PATJ: variants seen among roughly 807,000 people sequenced by gnomAD.
PATJ encodes the protein PATJ crumbs cell polarity complex component, also known as inaD-like protein.
In PATJ, 190 loss-of-function variants were observed where a neutral mutation model predicts 224.9. The observed-to-expected ratio is 0.84, with a 90% CI of 0.75 to 0.95. The LOEUF is 0.95. Ranked by LOEUF, PATJ falls within the 40% of genes least tolerant of loss-of-function variation. PATJ has a pLI of 0.00. For missense variants in PATJ, 2,121 were observed against 2,270.3 expected (o/e 0.93, Z 1.34); for synonymous variants, 769 against 820.3 (o/e 0.94, Z 1.07).
intron 20 of PATJ, among the ~76,000 whole-genome samples, chr1:61,871,557 AT>A (rs71582650): frequency 0.024 from 1,322 of 54,694 alleles, 9 homozygotes; most frequent in South Asian, 0.038. Flanking sequence ...ATATATATAT[AT>A]TTTTTTTTTT....
intron 9 of PATJ, among the ~76,000 whole-genome samples, chr1:61,792,818 C>T (rs926861993): frequency 6.6e-6 from 1 of 152,190 alleles, no homozygotes; most frequent in African/African-American, 2.4e-5. Context: ...GCATGAGCCA[C>T]CGTGCCTGAC....
At position 61,976,131 on chromosome 1, in the gene PATJ, G is replaced by A. The variant is rs116525773; in HGVS notation, c.3671-14037G>A. 1.8e-4 allele frequency among the ~76,000 whole-genome samples: 28 copies of A among 151,966 alleles called. 1 individual carries two copies. Among genetic ancestry groups the A allele is most frequent in the African/African-American group, 5.1e-4 (21 of 41,318 alleles). On this transcript the variant is annotated intron_variant, in intron 27 of 43. Coordinates refer to ENST00000642238, the MANE Select transcript of PATJ (RefSeq NM_001350145.3). ...ATTGCCTATACGTGTTCCATGTCTCGCCTTAAATTGTCGATTCCAAAAGGG... is the reference window on the plus strand; with the variant it reads ...ATTGCCTATACGTGTTCCATGTCTCACCTTAAATTGTCGATTCCAAAAGGG...
chr1:61,752,350 G>A lies in PATJ; in HGVS notation c.-36+9795G>A, dbSNP rs1181170720. ...TTTTTTTAAGACGGAGTCTTGCTCT[G>A]TCACCCAGGCTGGAGTGCAATGGCA... is the stretch of plus-strand genomic sequence containing the variant. On this transcript the variant is annotated intron_variant, in intron 1 of 43. Coordinates refer to ENST00000642238, the MANE Select transcript of PATJ (RefSeq NM_001350145.3). Among the ~76,000 whole-genome samples the A allele has an allele frequency of 3.5e-5, 4 of 114,268 alleles. No individual in the cohort carries two copies. The Admixed American group carries it at 4.6e-4, about 13-fold the overall frequency. The allele number at this position is 114,268 out of a possible 152,430, so 75.0% of individuals were successfully genotyped here.
intron 27 of PATJ, among the ~76,000 whole-genome samples, chr1:61,947,460 C>T (rs1168636591): frequency 4.6e-5 from 7 of 152,120 alleles, no homozygotes; most frequent in Non-Finnish European, 1.0e-4. Flanking sequence ...AACTCCCCTT[C>T]ACAATTGCTA....
At chr1:61,926,612 C>T (rs1398054556) in intron 26 of PATJ, among the ~76,000 whole-genome samples, 2 of 152,018 alleles carry the variant, frequency 1.3e-5, no homozygotes, top group African/African-American at 4.8e-5. Flanking sequence ...TCTGTATTCT[C>T]CTATTGCCTA....
rs1183564914 is a variant in PATJ, at chr1:62,121,251, T to A, written c.4961T>A (p.Leu1654Gln). 2 of 1,613,820 alleles carry A rather than the reference T, an allele frequency of 1.2e-6. No individual in the cohort carries two copies. The highest frequency in any genetic ancestry group is 3.3e-5 in the Admixed American group (2 of 59,970). ...CCTGTCATCACTGGCCTGCAAAACC[T>A]GGTTGGCACAAAAAGAGTTTCAGAT... ...FAPVITGLQN[L>Q]VGTKRVSDPS... The change falls in exon 38 of 44, where the codon CTG becomes CAG. Residue 1654 changes from leucine (L) to glutamine (Q), a missense_variant. Physicochemically the swap from Leu to Gln is moderately radical, Grantham distance 113. Coordinates refer to ENST00000642238, the MANE Select transcript of PATJ (RefSeq NM_001350145.3).
chr1:62,023,186 A>T (rs1647185084), intron 29 of PATJ, among the ~76,000 whole-genome samples: 1 of 152,020 alleles, frequency 6.6e-6, no homozygotes, highest in Middle Eastern at 3.4e-3. Context: ...GGTACTTGGG[A>T]GGCTGAGGCA....
In PATJ at chr1:62,079,838, C is replaced by A. The variant is rs553610141; in HGVS notation, c.4243+271C>A. Among the ~76,000 whole-genome samples, 3 of 152,126 alleles carry A rather than the reference C, an allele frequency of 2.0e-5. No homozygotes were observed. The South Asian group carries it at 6.2e-4, about 32-fold the overall frequency. On this transcript the variant is annotated intron_variant, in intron 32 of 43. Coordinates refer to ENST00000642238, the MANE Select transcript of PATJ (RefSeq NM_001350145.3). Reference sequence around the variant, plus strand: ...GGTCAGGAGTTCAAGACCAGCCTGGCCAACATGGTGAAACCCTGTCTCTAC... The same window carrying A: ...GGTCAGGAGTTCAAGACCAGCCTGGACAACATGGTGAAACCCTGTCTCTAC...
intron 41 of PATJ, among the ~76,000 whole-genome samples, chr1:62,131,387 T>A (rs189923228): frequency 2.0e-5 from 3 of 152,150 alleles, no homozygotes; most frequent in Admixed American, 6.5e-5. Context: ...AAATGGTAAC[T>A]GACCAGAAAA....
At chr1:61,937,732 C>T (rs1677114128) in intron 27 of PATJ, among the ~76,000 whole-genome samples, 1 of 148,602 alleles carries the variant, frequency 6.7e-6, no homozygotes, top group African/African-American at 2.5e-5. Context: ...CTCACCACAA[C>T]CTCCGCCTCC....
intron 14 of PATJ, among the ~76,000 whole-genome samples, chr1:61,811,958 G>A (rs1230298922): frequency 6.6e-6 from 1 of 151,626 alleles, no homozygotes; most frequent in Non-Finnish European, 1.5e-5. Context: ...CTACTCGGGA[G>A]GCTGGGGCAA....
chr1:61,891,615 A>T (rs12033338), intron 22 of PATJ, among the ~76,000 whole-genome samples: 6,339 of 152,264 alleles, frequency 0.042, 154 homozygotes, highest in East Asian at 0.098. Flanking sequence ...GGTACATAGA[A>T]ATACTACACT....
intron 29 of PATJ, among the ~76,000 whole-genome samples, chr1:62,019,467 C>T (rs1313178344): frequency 1.3e-5 from 2 of 151,406 alleles, no homozygotes; most frequent in Non-Finnish European, 2.9e-5. Context: ...TGCAGTGAGC[C>T]GAGATCACGC....
intron 20 of PATJ, 21 bp from the exon 21 acceptor site, chr1:61,875,222 T>G: frequency 2.0e-6 from 3 of 1,514,624 alleles, no homozygotes; most frequent in Non-Finnish European, 2.7e-6. Flanking sequence ...CTAATGCATT[T>G]CTATTTTTCT....
chr1:61,899,271 T>TTTTACA (rs1341074139), intron 22 of PATJ, among the ~76,000 whole-genome samples: 4 of 152,178 alleles, frequency 2.6e-5, no homozygotes, highest in Non-Finnish European at 5.9e-5. Context: ...TTTTATAACA[T>TTTTACA]TTTACATATT....
chr1:61,797,318 A>G lies in PATJ; in HGVS notation c.1292A>G (p.Asn431Ser). 2 of 1,613,784 alleles carry G rather than the reference A, an allele frequency of 1.2e-6. No homozygotes were observed. Among genetic ancestry groups the G allele is most frequent in the South Asian group, 1.1e-5 (1 of 91,066 alleles). Residue 431 changes from asparagine to serine, a missense_variant, in exon 11 of 44, where the codon AAC becomes AGC. Transcript: ENST00000642238. Reference sequence around the variant, plus strand: ...GGCGTGAACATTCAGGGTTTTGCCAACCATGATGTTGTTGAAGTATTACGA... The same window carrying G: ...GGCGTGAACATTCAGGGTTTTGCCAGCCATGATGTTGTTGAAGTATTACGA... The part of the protein sequence containing the change: ...VDGVNIQGFA[N>S]HDVVEVLRNA...
intron 29 of PATJ, 64 bp from the exon 30 acceptor site, chr1:62,037,913 A>G (rs1558076596): frequency 3.2e-6 from 3 of 928,600 alleles, no homozygotes; most frequent in East Asian, 2.7e-5. Flanking sequence ...GGAAGTATTT[A>G]TAATTTGAGC....
At chr1:61,796,163 C>T (rs1033294987) in intron 10 of PATJ, among the ~76,000 whole-genome samples, 1 of 152,162 alleles carries the variant, frequency 6.6e-6, no homozygotes, top group African/African-American at 2.4e-5. Flanking sequence ...TCCTTCAAAT[C>T]TATCTAAGAA....
intron 40 of PATJ, chr1:62,128,570 G>A (rs1665956428): frequency 2.4e-6 from 1 of 418,112 alleles, no homozygotes; most frequent in Non-Finnish European, 4.4e-6. Context: ...GCAAATGGTT[G>A]TATGAAACAC....
Sources: allele counts gnomAD v4.1 joint callset (sites outside exome capture counted in the v4.1 genomes callset), GRCh38; gene constraint gnomAD v4.1.1; transcripts MANE v1.5; gene names NCBI Gene and HGNC (gene_info 2026-07-23, HGNC 2026-07-21).